Variants in MAP2K1 observed in about 807,000 individuals in gnomAD.
The protein encoded by MAP2K1 is dual specificity mitogen-activated protein kinase kinase 1.
MAP2K1 carries 16 observed loss-of-function variants against 46.3 expected under a neutral mutation model. The observed-to-expected ratio is 0.35, with a 90% CI of 0.23 to 0.52. The LOEUF (loss-of-function observed/expected upper bound fraction) is 0.52. Among genes scored for constraint, MAP2K1 ranks in the 20% least tolerant of loss-of-function variants. The pLI is 0.94. For missense variants in MAP2K1, 263 were observed against 497.1 expected (o/e 0.53, Z 4.48); for synonymous variants, 183 against 185.6 (o/e 0.99, Z 0.11).
At position 66,477,982 on chromosome 15, in the gene MAP2K1, CA is replaced by C. The variant is rs1195876842; in HGVS notation, c.569-3771del. ...ATGGTGGGATGAGGAGGTACACCTC[CA>C]ACAAGCAACTGCTGGACTCATGCCT... On this transcript the variant is annotated intron_variant, in intron 5 of 10. Coordinates refer to ENST00000307102, the MANE Select transcript of MAP2K1 (RefSeq NM_002755.4). 2.6e-5 allele frequency among the ~76,000 whole-genome samples: 4 copies of C among 152,196 alleles called. No individual in the cohort carries two copies. The East Asian group carries it at 7.7e-4, about 29-fold the overall frequency.
intron 1 of MAP2K1, among the ~76,000 whole-genome samples, chr15:66,391,271 A>G (rs778287368): frequency 8.5e-5 from 13 of 152,190 alleles, no homozygotes; most frequent in Non-Finnish European, 2.9e-5. Context: ...CCTGTACACT[A>G]TAAACTTTAA....
chr15:66,420,779 G>GTA (rs1260059749), intron 1 of MAP2K1, among the ~76,000 whole-genome samples: 8,023 of 54,814 alleles, frequency 0.15, 1,968 homozygotes, highest in African/African-American at 0.16. Flanking sequence ...ATATATATGT[G>GTA]TATATATATG....
At chr15:66,463,570 C>T (rs1162941395) in intron 5 of MAP2K1, among the ~76,000 whole-genome samples, 1 of 152,202 alleles carries the variant, frequency 6.6e-6, no homozygotes, top group African/African-American at 2.4e-5. Context: ...TCAACCTCCA[C>T]CTCCTGGGTT....
intron 3 of MAP2K1, among the ~76,000 whole-genome samples, chr15:66,437,405 AC>A (rs1282149561): frequency 5.9e-5 from 9 of 152,212 alleles, no homozygotes; most frequent in Non-Finnish European, 1.0e-4. Flanking sequence ...CAATCATTTT[AC>A]CACTATGTTC....
chr15:66,415,393 A>G (rs1316914503), intron 1 of MAP2K1, among the ~76,000 whole-genome samples: 1 of 152,200 alleles, frequency 6.6e-6, no homozygotes, highest in Admixed American at 6.5e-5. Flanking sequence ...ATTCTTTATT[A>G]TACAACATCC....
chr15:66,414,995 G>C (rs901507095), intron 1 of MAP2K1: 11 of 450,718 alleles, frequency 2.4e-5, no homozygotes, highest in Non-Finnish European at 4.5e-5. Flanking sequence ...TAGCTGAAGA[G>C]CACGTAGCTT....
chr15:66,481,941 G>A (rs1370710017), intron 6 of MAP2K1, 62 bp downstream of exon 6: 4 of 1,583,292 alleles, frequency 2.5e-6, no homozygotes, highest in African/African-American at 2.7e-5. Flanking sequence ...AGCCCAGTGG[G>A]TGCCTTTCCT....
chr15:66,401,436 C>T (rs2093381404), intron 1 of MAP2K1, among the ~76,000 whole-genome samples: 1 of 152,054 alleles, frequency 6.6e-6, no homozygotes, highest in Non-Finnish European at 1.5e-5. Flanking sequence ...TAAAGGTCAG[C>T]TTGCTTCCCT....
At chr15:66,446,235 CAAAA>C (rs988650368) in intron 5 of MAP2K1, among the ~76,000 whole-genome samples, 2 of 151,574 alleles carry the variant, frequency 1.3e-5, no homozygotes, top group Admixed American at 6.6e-5. Context: ...AACAAACAAA[CAAAA>C]AACATTCTGG....
intron 6 of MAP2K1, among the ~76,000 whole-genome samples, chr15:66,484,534 C>T (rs1233962780): frequency 6.6e-6 from 1 of 152,120 alleles, no homozygotes; most frequent in East Asian, 1.9e-4. Flanking sequence ...AGTCTCAGGC[C>T]CACTGACCCC....
intron 5 of MAP2K1, among the ~76,000 whole-genome samples, chr15:66,464,728 T>C (rs1046236266): frequency 1.3e-5 from 2 of 151,494 alleles, no homozygotes; most frequent in African/African-American, 4.8e-5. Flanking sequence ...TTTCTCCATG[T>C]TGGTCACGCT....
chr15:66,438,320 C>T (rs1567010226), intron 3 of MAP2K1, among the ~76,000 whole-genome samples: 1 of 152,092 alleles, frequency 6.6e-6, no homozygotes, highest in Non-Finnish European at 1.5e-5. Flanking sequence ...AACTCCTGAC[C>T]TCATGATCTG....
At chr15:66,479,148 G>A (rs1009561524) in intron 5 of MAP2K1, among the ~76,000 whole-genome samples, 2 of 151,952 alleles carry the variant, frequency 1.3e-5, no homozygotes, top group Admixed American at 6.6e-5. Flanking sequence ...CCAGGCTGGG[G>A]TGCAGTGGTG....
intron 5 of MAP2K1, among the ~76,000 whole-genome samples, chr15:66,458,068 A>G (rs1434295375): frequency 6.6e-6 from 1 of 152,128 alleles, no homozygotes; most frequent in Non-Finnish European, 1.5e-5. Flanking sequence ...AGACAGGATT[A>G]TTTTTCCTGA....
intron 1 of MAP2K1, among the ~76,000 whole-genome samples, chr15:66,416,088 C>T (rs1471775940): frequency 1.3e-5 from 2 of 152,162 alleles, no homozygotes; most frequent in Non-Finnish European, 2.9e-5. Flanking sequence ...TCATCACTCA[C>T]CTGGATGCAT....
intron 5 of MAP2K1, chr15:66,453,597 TCTC>T: frequency 2.8e-6 from 2 of 702,154 alleles, no homozygotes; most frequent in Admixed American, 4.0e-5. Context: ...GAGAGAGCAG[TCTC>T]CTTGTCCCTG....
intron 5 of MAP2K1, among the ~76,000 whole-genome samples, chr15:66,461,434 G>A (rs1051994232): frequency 1.3e-5 from 2 of 151,344 alleles, no homozygotes; most frequent in Non-Finnish European, 2.9e-5. Context: ...TCAAGATTGC[G>A]CCACTGCACT....
chr15:66,403,927 G>C (rs1566997123), intron 1 of MAP2K1, among the ~76,000 whole-genome samples: 1 of 152,100 alleles, frequency 6.6e-6, no homozygotes, highest in East Asian at 1.9e-4. Flanking sequence ...GACCTCAGAA[G>C]TTAGCAAGAA....
At chr15:66,452,864 A>G (rs377760788) in intron 5 of MAP2K1, among the ~76,000 whole-genome samples, 7 of 152,346 alleles carry the variant, frequency 4.6e-5, no homozygotes, top group Admixed American at 2.0e-4. Flanking sequence ...TGTGTAAAAT[A>G]TAGTTCTTAT....
Sources: gnomAD v4.1 joint callset for allele counts (sites outside exome capture counted in the v4.1 genomes callset) on GRCh38, gnomAD v4.1.1 for gene constraint, MANE v1.5 for transcripts, NCBI Gene and HGNC (gene_info 2026-07-23, HGNC 2026-07-21) for gene names.